The following FGF9 variants were observed in gnomAD, a reference collection of about 807,000 sequenced individuals.
The protein encoded by FGF9 is fibroblast growth factor 9 (glia-activating factor).
Under a neutral mutation model 19.9 loss-of-function variants are expected in FGF9, and 3 were observed. The observed-to-expected ratio is 0.15, with a 90% CI of 0.07 to 0.39. The LOEUF is 0.39. FGF9 is among the 10% of genes least tolerant of loss of function. The probability of loss-of-function intolerance (pLI) is 1.00; values close to 1 mark genes in which losing one functional copy is unlikely to be tolerated. For missense variants in FGF9, 175 were observed against 256.8 expected (o/e 0.68, Z 2.18); for synonymous variants, 107 against 106.9 (o/e 1.00, Z -0.01).
chr13:21,687,689 A>G (rs1872193332), intron 2 of FGF9, among the ~76,000 whole-genome samples: 2 of 152,146 alleles, frequency 1.3e-5, no homozygotes, highest in African/African-American at 2.4e-5. Context: ...ACAACAAATG[A>G]TCTCATCTGA....
chr13:21,692,199 TA>T (rs1434337134), intron 2 of FGF9, among the ~76,000 whole-genome samples: 1 of 152,218 alleles, frequency 6.6e-6, no homozygotes, highest in Non-Finnish European at 1.5e-5. Context: ...TGTTCACACA[TA>T]ATCAGCTGTC....
At chr13:21,695,611 T>C (rs536084515) in intron 2 of FGF9, among the ~76,000 whole-genome samples, 1 of 152,344 alleles carries the variant, frequency 6.6e-6, no homozygotes, top group East Asian at 1.9e-4. Flanking sequence ...TTAACGGTCC[T>C]TTAGTCATTA....
Position 21,701,948 on chromosome 13 carries a change from T to G in FGF9, c.*513T>G, listed in dbSNP as rs1872559550. On this transcript the variant is annotated 3_prime_UTR_variant, in exon 3 of 3. Coordinates refer to ENST00000382353, the MANE Select transcript of FGF9 (RefSeq NM_002010.3). ...AAGACTTTCAGTTAATTCTCACTGG[T>G]ATCATCGCAGTGAACTTAAAGCAAA... is the stretch of plus-strand genomic sequence containing the variant. 1 of 152,484 alleles carries G rather than the reference T, an allele frequency of 6.6e-6. No homozygotes were observed. Among genetic ancestry groups the G allele is most frequent in the Non-Finnish European group, 1.5e-5 (1 of 68,208 alleles). 9.4% of individuals were successfully genotyped at this position (152,484 alleles called of 1,614,324 possible).
chr13:21,695,609 C>T (rs1872389510), intron 2 of FGF9, among the ~76,000 whole-genome samples: 1 of 152,108 alleles, frequency 6.6e-6, no homozygotes, highest in African/African-American at 2.4e-5. Context: ...TATTAACGGT[C>T]CTTTAGTCAT....
chr13:21,673,830 G>C (rs1039749687), intron 1 of FGF9, among the ~76,000 whole-genome samples: 3 of 151,040 alleles, frequency 2.0e-5, no homozygotes, highest in African/African-American at 7.2e-5. Flanking sequence ...GCCCTCCCGC[G>C]CTCGCGGTCG....
intron 2 of FGF9, among the ~76,000 whole-genome samples, chr13:21,685,413 G>A (rs1388826258): frequency 6.6e-6 from 1 of 152,066 alleles, no homozygotes; most frequent in East Asian, 1.9e-4. Context: ...AAAGGTCAGA[G>A]GTAAATGGGT....
chr13:21,688,492 G>T (rs143740283), intron 2 of FGF9, among the ~76,000 whole-genome samples: 1 of 152,172 alleles, frequency 6.6e-6, no homozygotes, highest in Non-Finnish European at 1.5e-5. Context: ...TCCATACATC[G>T]TCCTGGTTTT....
Position 21,672,071 on chromosome 13 carries a change from C to T in FGF9, c.159C>T (p.Asp53=), listed in dbSNP as rs541049028. 7.9e-5 allele frequency: 128 copies of T among 1,614,214 alleles called. 1 individual carries two copies. The highest frequency in any genetic ancestry group is 2.0e-4 in the East Asian group (9 of 44,882). Residue 53 remains aspartate, a synonymous_variant, in exon 1 of 3, where the codon GAC becomes GAT. Coordinates refer to ENST00000382353, the MANE Select transcript of FGF9 (RefSeq NM_002010.3). The surrounding 1 kb of genome is among the most constrained non-coding windows in gnomAD (Gnocchi z 4.2). ...GGLPRGPAVT[D]LDHLKGILRR... is the part of the protein sequence containing the mutation. ...TCCCCAGGGGACCCGCAGTCACGGA[C>T]TTGGATCATTTAAAGGGGATTCTCA...
intron 2 of FGF9, among the ~76,000 whole-genome samples, chr13:21,686,416 A>G (rs945797866): frequency 6.6e-6 from 1 of 152,238 alleles, no homozygotes; most frequent in African/African-American, 2.4e-5. Context: ...ATCTCCTTCA[A>G]GAAGCTTGCA....
At chr13:21,675,917 A>C (rs957055827) in intron 1 of FGF9, among the ~76,000 whole-genome samples, 3 of 146,312 alleles carry the variant, frequency 2.1e-5, no homozygotes, top group Non-Finnish European at 3.0e-5. Flanking sequence ...TGGGACCTTG[A>C]AGGAGCCTTT....
chr13:21,689,779 C>A lies in FGF9; in HGVS notation c.381+8634C>A, dbSNP rs1287437776. Among the ~76,000 whole-genome samples the A allele has an allele frequency of 2.6e-5, 4 of 152,282 alleles. No homozygotes were observed. In the East Asian group the frequency reaches 7.7e-4, roughly 29 times the overall value. ...AGTGCTGACTCCTGCTTCCCCTCAT[C>A]CTGAGCCTTGAGGCACACTGGAGAA... On this transcript the variant is annotated intron_variant, in intron 2 of 2. Transcript: ENST00000382353.
At position 21,684,575 on chromosome 13, in the gene FGF9, G is replaced by GGT. The variant is rs550540457; in HGVS notation, c.381+3438_381+3439dup. Among the ~76,000 whole-genome samples, 530 of 152,266 alleles carry GGT rather than the reference G, an allele frequency of 3.5e-3. 4 individuals are homozygous for GGT. The highest frequency in any genetic ancestry group is 0.02 in the Middle Eastern group (6 of 294). The stretch of plus-strand genomic sequence containing the variant: ...GCCTGTGTGTGCCTGTGTTGTCTCT[G>GGT]GTGTGTGTGGCCTGAGGGGGAATGA... On this transcript the variant is annotated intron_variant, in intron 2 of 2. Transcript: ENST00000382353.
chr13:21,680,452 CTTT>C (rs369941643), intron 1 of FGF9, among the ~76,000 whole-genome samples: 2 of 144,018 alleles, frequency 1.4e-5, no homozygotes, highest in Admixed American at 7.0e-5. Flanking sequence ...AAACAGAATA[CTTT>C]TTTTTTTTTT....
chr13:21,672,340 C>T lies in FGF9; in HGVS notation c.277+151C>T, dbSNP rs1167719890. On this transcript the variant is annotated intron_variant, in intron 1 of 2. Transcript: ENST00000382353. This position sits in a 1 kb window ranked among gnomAD's most constrained non-coding sequence, Gnocchi z 4.2. ...TCTGTCTCTCTCTCTCTCTGTCTTG[C>T]CAGCTCCGAAAAAAAAATGCCTCCG... The T allele has an allele frequency of 1.1e-6, 1 of 896,568 alleles. No individual in the cohort carries two copies. Among genetic ancestry groups the T allele is most frequent in the East Asian group, 2.6e-5 (1 of 38,358 alleles). 55.5% of individuals were successfully genotyped at this position (896,568 alleles called of 1,614,324 possible).
chr13:21,689,994 C>A (rs1163045047), intron 2 of FGF9, among the ~76,000 whole-genome samples: 1 of 152,198 alleles, frequency 6.6e-6, no homozygotes, highest in Non-Finnish European at 1.5e-5. Context: ...TTGTTCATTG[C>A]ATGGAACCCT....
rs920480617 is a variant in FGF9 at position 21,673,385 on chromosome 13, G to A, written c.277+1196G>A. The stretch of plus-strand genomic sequence containing the variant: ...GAGGAGGACTTAGGCCTGGGCTGGG[G>A]ATGGTCCCAGATCCACGAGGCCCAG... On this transcript the variant is annotated intron_variant, in intron 1 of 2. Transcript: ENST00000382353. 6.6e-5 allele frequency among the ~76,000 whole-genome samples: 10 copies of A among 152,096 alleles called. No homozygotes were observed. The South Asian group carries it at 1.9e-3, about 28-fold the overall frequency.
At chr13:21,698,704 G>C (rs1055533471) in intron 2 of FGF9, among the ~76,000 whole-genome samples, 7 of 152,134 alleles carry the variant, frequency 4.6e-5, no homozygotes, top group African/African-American at 1.7e-4. Flanking sequence ...ATATAAGCTA[G>C]CACCTCACTC....
chr13:21,686,365 T>C (rs559562802), intron 2 of FGF9, among the ~76,000 whole-genome samples: 1 of 152,302 alleles, frequency 6.6e-6, no homozygotes, highest in South Asian at 2.1e-4. Context: ...TAATTGACCA[T>C]AATAAATGCC....
intron 2 of FGF9, among the ~76,000 whole-genome samples, chr13:21,683,790 C>G (rs1259594872): frequency 6.6e-6 from 1 of 152,246 alleles, no homozygotes; most frequent in Non-Finnish European, 1.5e-5. Context: ...TCCTAGTCTT[C>G]TGTCTCCAAT....
Sources: gnomAD v4.1 joint callset for allele counts (sites outside exome capture counted in the v4.1 genomes callset) on GRCh38, gnomAD v4.1.1 for gene constraint, Gnocchi (gnomAD v3.1) non-coding constraint, MANE v1.5 for transcripts, NCBI Gene and HGNC (gene_info 2026-07-23, HGNC 2026-07-21) for gene names.